SEPTIN14: variants seen among roughly 807,000 people sequenced by gnomAD.
The protein encoded by SEPTIN14 is septin 14, also known as septin-14.
SEPTIN14 carries 40 observed loss-of-function variants against 53.6 expected under a neutral mutation model. That is an observed-to-expected ratio of 0.75 (90% CI 0.58 to 0.97). The LOEUF (loss-of-function observed/expected upper bound fraction) is 0.97. SEPTIN14 is among the 50% of genes least tolerant of loss of function. SEPTIN14 has a pLI of 0.00. For synonymous variants in SEPTIN14, 138 were observed against 166.8 expected, an observed-to-expected ratio of 0.83 and a Z score of 1.33; for missense variants, 471 against 508.2, an observed-to-expected ratio of 0.93 and a Z score of 0.70.
At chr7:55,842,632 G>T (rs1299781816) in intron 5 of SEPTIN14, among the ~76,000 whole-genome samples, 1 of 150,876 alleles carries the variant, frequency 6.6e-6, no homozygotes, top group African/African-American at 2.4e-5. Context: ...GAAAAAGAAG[G>T]CTGGGCACGG....
In SEPTIN14 at chr7:55,795,462, CTTTTTTTTT is replaced by C. The variant is rs1034552678; in HGVS notation, c.*442_*450del. 5.9e-5 allele frequency: 7 copies of C among 117,952 alleles called. No individual in the cohort carries two copies. In the South Asian group the frequency reaches 1.8e-3, roughly 30 times the overall value. 7.3% of individuals were successfully genotyped at this position (117,952 alleles called of 1,614,324 possible). On this transcript the variant is annotated 3_prime_UTR_variant, in exon 10 of 10. Coordinates refer to ENST00000388975, the MANE Select transcript of SEPTIN14 (RefSeq NM_207366.3). Reference sequence around the variant, plus strand: ...AGGATCTGCCTTCTGGGAGTTCATACTTTTTTTTTTTTTTTTTTTTTTGAGGCGGAGTTT... The same window carrying C: ...AGGATCTGCCTTCTGGGAGTTCATACTTTTTTTTTTTTTGAGGCGGAGTTT...
At chr7:55,819,344 C>G (rs1788851656) in intron 6 of SEPTIN14, 121 bp from the exon 7 acceptor site, 1 of 694,744 alleles carries the variant, frequency 1.4e-6, no homozygotes, top group Middle Eastern at 3.4e-4. Flanking sequence ...AATCCCAGCA[C>G]TTTGGGAGGC....
At chr7:55,844,492 C>G (rs4294144) in intron 4 of SEPTIN14, 31 bp downstream of exon 4, 1 of 1,296,060 alleles carries the variant, frequency 7.7e-7, no homozygotes, top group Admixed American at 2.4e-5. Flanking sequence ...AATAAGAAAA[C>G]CTTTTTTAAT....
intron 6 of SEPTIN14, among the ~76,000 whole-genome samples, chr7:55,824,140 G>A (rs1315243455): frequency 6.6e-6 from 1 of 152,110 alleles, no homozygotes; most frequent in African/African-American, 2.4e-5. Context: ...GAATCAATGA[G>A]TTGAACTTCA....
chr7:55,817,869 C>G (rs888386484), intron 7 of SEPTIN14, among the ~76,000 whole-genome samples: 6 of 151,940 alleles, frequency 3.9e-5, no homozygotes, highest in African/African-American at 1.5e-4. Context: ...TTTAGCCATC[C>G]CACAATGTAT....
intron 5 of SEPTIN14, among the ~76,000 whole-genome samples, chr7:55,835,962 C>T (rs1241511614): frequency 1.3e-5 from 2 of 152,026 alleles, no homozygotes; most frequent in African/African-American, 4.8e-5. Flanking sequence ...AGGCTAGTCT[C>T]GAACTCCTGA....
At chr7:55,859,607 G>T (rs942844330) in intron 2 of SEPTIN14, among the ~76,000 whole-genome samples, 5 of 151,982 alleles carry the variant, frequency 3.3e-5, no homozygotes, top group African/African-American at 1.2e-4. Context: ...TATGATCCTA[G>T]TCACTCTTTT....
At chr7:55,807,464 C>A (rs1034365919) in intron 7 of SEPTIN14, among the ~76,000 whole-genome samples, 1 of 152,098 alleles carries the variant, frequency 6.6e-6, no homozygotes, top group Non-Finnish European at 1.5e-5. Context: ...TATAGGTTAG[C>A]AAATTTGCTT....
intron 2 of SEPTIN14, among the ~76,000 whole-genome samples, chr7:55,859,575 G>A (rs1443352076): frequency 4.6e-5 from 7 of 152,070 alleles, no homozygotes; most frequent in Non-Finnish European, 8.8e-5. Context: ...TAATAGCTAA[G>A]ATATGGAAAC....
At chr7:55,808,771 C>T (rs1433697457) in intron 7 of SEPTIN14, among the ~76,000 whole-genome samples, 1 of 152,048 alleles carries the variant, frequency 6.6e-6, no homozygotes, top group Non-Finnish European at 1.5e-5. Context: ...AAGATGGTTT[C>T]GAACTCCTGA....
chr7:55,857,582 C>CTT (rs1162739964), intron 2 of SEPTIN14, among the ~76,000 whole-genome samples: 1,746 of 21,604 alleles, frequency 0.081, 769 homozygotes, highest in East Asian at 0.23. Context: ...GAGCCTGTGT[C>CTT]TTTTTTTTTT....
chr7:55,851,913 C>T (rs367879303), intron 2 of SEPTIN14, among the ~76,000 whole-genome samples: 1 of 151,404 alleles, frequency 6.6e-6, no homozygotes, highest in African/African-American at 2.4e-5. Flanking sequence ...GAGGCTGAGG[C>T]GGGTGGATCA....
chr7:55,800,693 G>GT (rs1474438584), intron 9 of SEPTIN14, among the ~76,000 whole-genome samples: 1 of 152,084 alleles, frequency 6.6e-6, no homozygotes, highest in African/African-American at 2.4e-5. Flanking sequence ...GGGAAGGGTG[G>GT]TAGGGGTGGG....
At chr7:55,855,589 T>C (rs1013544285) in intron 2 of SEPTIN14, among the ~76,000 whole-genome samples, 19 of 152,136 alleles carry the variant, frequency 1.2e-4, no homozygotes, top group African/African-American at 4.1e-4. Context: ...AGAGTGTCGC[T>C]CTATTGACCA....
intron 6 of SEPTIN14, among the ~76,000 whole-genome samples, chr7:55,834,047 A>C (rs574049400): frequency 1.3e-5 from 2 of 152,278 alleles, no homozygotes; most frequent in South Asian, 4.1e-4. Context: ...CTAAAGAAGT[A>C]ATTTTTCAAA....
intron 6 of SEPTIN14, among the ~76,000 whole-genome samples, chr7:55,826,018 C>T (rs11979566): frequency 0.064 from 9,760 of 151,584 alleles, 698 homozygotes; most frequent in African/African-American, 0.18. Flanking sequence ...AGGAGAATGG[C>T]GTGAACCCGG....
Position 55,835,385 on chromosome 7 carries a change from G to A in SEPTIN14, c.559-799C>T, listed in dbSNP as rs1395783357. On this transcript the variant is annotated intron_variant, in intron 5 of 9. Coordinates refer to ENST00000388975, the MANE Select transcript of SEPTIN14 (RefSeq NM_207366.3). ...GCCCGGCTACTTTTTGGTATTTTTA[G>A]TAGAGACGGGGTTTCACCGTGTTAG... Among the ~76,000 whole-genome samples, 4 of 151,770 alleles carry A rather than the reference G, an allele frequency of 2.6e-5. No homozygotes were observed. In the East Asian group the frequency reaches 5.9e-4, roughly 22 times the overall value.
chr7:55,847,781 C>T (rs1349578659), intron 2 of SEPTIN14, among the ~76,000 whole-genome samples: 1 of 152,122 alleles, frequency 6.6e-6, no homozygotes, highest in African/African-American at 2.4e-5. Flanking sequence ...TGTGTTATAT[C>T]GAAGAAATCT....
In SEPTIN14 at chr7:55,844,683, T is replaced by G; in HGVS notation, c.211A>C (p.Thr71Pro). Residue 71 changes from threonine to proline, a missense_variant, in exon 4 of 10, where the codon ACA (threonine) becomes CCA (proline). Coordinates refer to ENST00000388975, the MANE Select transcript of SEPTIN14 (RefSeq NM_207366.3). Reference protein sequence around the residue: ...TGIGKSTLIDTLFNTNLKDNK... With the variant: ...TGIGKSTLIDPLFNTNLKDNK... Reference sequence around the variant, plus strand: ...TCTTTCAAGTTAGTATTAAACAATGTGTCTATCAGTGTCGATTTTCCAATT... The same window carrying G: ...TCTTTCAAGTTAGTATTAAACAATGGGTCTATCAGTGTCGATTTTCCAATT... 2.5e-6 allele frequency: 4 copies of G among 1,604,884 alleles called. No homozygotes were observed. Among genetic ancestry groups the G allele is most frequent in the Non-Finnish European group, 3.4e-6 (4 of 1,173,738 alleles).
Sources: gnomAD v4.1 joint callset for allele counts (sites outside exome capture counted in the v4.1 genomes callset) on GRCh38, gnomAD v4.1.1 for gene constraint, MANE v1.5 for transcripts, NCBI Gene and HGNC (gene_info 2026-07-23, HGNC 2026-07-21) for gene names.